Variants in RTL10 observed in about 807,000 individuals in gnomAD.
RTL10 encodes retrotransposon Gag like 10, also known as protein Bop.
For synonymous variants in RTL10, 199 were observed against 188.4 expected, an observed-to-expected ratio of 1.06 and a Z score of -0.46; for missense variants, 477 against 470.7, an observed-to-expected ratio of 1.01 and a Z score of -0.12.
chr22:19,850,064 C>T lies in RTL10; in HGVS notation c.*1103G>A. The T allele has an allele frequency of 1.0e-6, 1 of 985,624 alleles. No homozygotes were observed. The highest frequency in any genetic ancestry group is 1.2e-6 in the Non-Finnish European group (1 of 830,126). 61.1% of individuals were successfully genotyped at this position (985,624 alleles called of 1,614,324 possible). A position where few individuals can be genotyped will look rare whatever the true frequency, so the allele number is the denominator to read the frequency against. ...AGTCAGTTCTCTACCTGCAGAGCCA[C>T]CCACCCCCTACTCAGCCCCACCCAG... On this transcript the variant is annotated 3_prime_UTR_variant, in exon 3 of 3. Transcript: ENST00000328554.
chr22:19,851,758 G>T lies in RTL10; in HGVS notation c.504C>A (p.Tyr168Ter), dbSNP rs148672676. ...LDGDLPLPDD[Y>*]ELFCQDLKEV... is the part of the protein sequence containing the mutation. ...CCTTGAGATCCTGGCAGAAGAGCTC[G>T]TAATCGTCAGGCAGGGGCAGGTCCC... The change falls in exon 3 of 3, where the codon TAC becomes TAA. Residue 168 changes from tyrosine to a stop codon, truncating the protein, a stop_gained. Transcript: ENST00000328554. LOFTEE classifies it low-confidence loss of function (END_TRUNC). 29 of 1,610,618 alleles carry T rather than the reference G, an allele frequency of 1.8e-5. No individual in the cohort carries two copies. The Admixed American group carries it at 4.7e-4, about 26-fold the overall frequency.
chr22:19,850,652 G>A lies in RTL10; in HGVS notation c.*515C>T. Reference sequence around the variant, plus strand: ...AGAATCAAAGTGGCCACTTCCTCCAGGCAGCCTTCCTCACATTCCAGCTGG... The same window carrying A: ...AGAATCAAAGTGGCCACTTCCTCCAAGCAGCCTTCCTCACATTCCAGCTGG... On this transcript the variant is annotated 3_prime_UTR_variant, in exon 3 of 3. Coordinates refer to ENST00000328554, the MANE Select transcript of RTL10 (RefSeq NM_024627.6). The A allele has an allele frequency of 4.9e-6, 6 of 1,227,796 alleles. No individual in the cohort carries two copies. The highest frequency in any genetic ancestry group is 6.1e-6 in the Non-Finnish European group (6 of 986,174). 76.1% of individuals were successfully genotyped at this position (1,227,796 alleles called of 1,614,324 possible).
rs34331843 is a variant in RTL10, at chr22:19,847,804, CAAAAA to C, written c.*3358_*3362del. 608 of 610,626 alleles carry C rather than the reference CAAAAA, an allele frequency of 1.0e-3. 2 individuals carry two copies. The highest frequency in any genetic ancestry group is 4.1e-3 in the African/African-American group (146 of 35,768). The allele number at this position is 610,626 out of a possible 1,614,324, so 37.8% of individuals were successfully genotyped here. ...ACTTTTAAAATCCTGGAATCATAGGCAAAAAAAAAAAAAAAAAAAAATTCACCCAT... is the reference window on the plus strand; with the variant it reads ...ACTTTTAAAATCCTGGAATCATAGGCAAAAAAAAAAAAAAAATTCACCCAT... On this transcript the variant is annotated 3_prime_UTR_variant, in exon 3 of 3. Transcript: ENST00000328554.
At position 19,848,650 on chromosome 22, in the gene RTL10, TGGACTCTCCCAA is replaced by T; in HGVS notation, c.*2505_*2516del. The T allele has an allele frequency of 1.0e-6, 1 of 985,494 alleles. No individual in the cohort carries two copies. The highest frequency in any genetic ancestry group is 1.7e-5 in the African/African-American group (1 of 57,370). 61.0% of individuals were successfully genotyped at this position (985,494 alleles called of 1,614,324 possible). A position where few individuals can be genotyped will look rare whatever the true frequency, so the allele number is the denominator to read the frequency against. On this transcript the variant is annotated 3_prime_UTR_variant, in exon 3 of 3. Transcript: ENST00000328554. The stretch of plus-strand genomic sequence containing the variant: ...CGTTTTAATTAAAAACCAGGTCACC[TGGACTCTCCCAA>T]GGACTCTCAAGCCTGCCTAGGTGGA...
Position 19,850,978 on chromosome 22 carries a change from T to C in RTL10, c.*189A>G, listed in dbSNP as rs996477205. On this transcript the variant is annotated 3_prime_UTR_variant, in exon 3 of 3. Transcript: ENST00000328554. ...GCAGGGAAAGGGCACAGGGCGGAGG[T>C]CAAGCTCTGCTGGAGTTGGGGGAGC... is the stretch of plus-strand genomic sequence containing the variant. 1.0e-5 allele frequency: 14 copies of C among 1,404,152 alleles called. No homozygotes were observed. In the South Asian group the frequency reaches 1.5e-4, roughly 15 times the overall value. 87.0% of individuals were successfully genotyped at this position (1,404,152 alleles called of 1,614,324 possible).
chr22:19,849,644 G>C lies in RTL10; in HGVS notation c.*1523C>G, dbSNP rs531641351. 3.1e-5 allele frequency: 30 copies of C among 976,474 alleles called. No individual in the cohort carries two copies. In the African/African-American group the frequency reaches 4.9e-4, roughly 16 times the overall value. 60.5% of individuals were successfully genotyped at this position (976,474 alleles called of 1,614,324 possible). On this transcript the variant is annotated 3_prime_UTR_variant, in exon 3 of 3. Coordinates refer to ENST00000328554, the MANE Select transcript of RTL10 (RefSeq NM_024627.6). Reference sequence around the variant, plus strand: ...GGCCTCCCAGAGTGCTGGGATTACAGGTGTGAGACACTGCTCCCGGCCAGT... The same window carrying C: ...GGCCTCCCAGAGTGCTGGGATTACACGTGTGAGACACTGCTCCCGGCCAGT...
Position 19,852,331 on chromosome 22 carries a change from T to C in RTL10, c.-70A>G. 2 of 1,502,950 alleles carry C rather than the reference T, an allele frequency of 1.3e-6. No individual in the cohort carries two copies. Among genetic ancestry groups the C allele is most frequent in the East Asian group, 2.3e-5 (1 of 44,036 alleles). 93.1% of individuals were successfully genotyped at this position (1,502,950 alleles called of 1,614,324 possible). ...TGGTGGGGGTGTGGACAGATGTGGC[T>C]TGCACGACACAACAGGACAGGGATG... On this transcript the variant is annotated 5_prime_UTR_variant, in exon 3 of 3. Coordinates refer to ENST00000328554, the MANE Select transcript of RTL10 (RefSeq NM_024627.6).
chr22:19,853,494 G>A (rs1371627227), intron 2 of RTL10, among the ~76,000 whole-genome samples: 6 of 152,102 alleles, frequency 3.9e-5, no homozygotes, highest in Non-Finnish European at 8.8e-5. Flanking sequence ...ACGACCTCCA[G>A]GAAACTCTCT....
chr22:19,846,665 T>A lies in RTL10; in HGVS notation c.*4502A>T. ...AAGACAGGGTCTTTAAAGAGGTAAT[T>A]CAGGGTTAAATGAGGTCATGAGGGT... On this transcript the variant is annotated 3_prime_UTR_variant, in exon 3 of 3. Coordinates refer to ENST00000328554, the MANE Select transcript of RTL10 (RefSeq NM_024627.6). 1 of 687,166 alleles carries A rather than the reference T, an allele frequency of 1.5e-6. No homozygotes were observed. The highest frequency in any genetic ancestry group is 1.9e-5 in the African/African-American group (1 of 51,610). 42.6% of individuals were successfully genotyped at this position (687,166 alleles called of 1,614,324 possible).
Position 19,849,275 on chromosome 22 carries a change from A to C in RTL10, c.*1892T>G. 1.0e-6 allele frequency: 1 copy of C among 983,936 alleles called. No homozygotes were observed. Among genetic ancestry groups the C allele is most frequent in the Non-Finnish European group, 1.2e-6 (1 of 828,574 alleles). The allele number at this position is 983,936 out of a possible 1,614,324, so 61.0% of individuals were successfully genotyped here. Reference sequence around the variant, plus strand: ...ATCTGTGCCCTGAAATAACTCACACATAAAACCATCTGAACCCAGAGCCTT... The same window carrying C: ...ATCTGTGCCCTGAAATAACTCACACCTAAAACCATCTGAACCCAGAGCCTT... On this transcript the variant is annotated 3_prime_UTR_variant, in exon 3 of 3. Coordinates refer to ENST00000328554, the MANE Select transcript of RTL10 (RefSeq NM_024627.6).
In RTL10 at chr22:19,846,427, G is replaced by A. The variant is rs1238847090; in HGVS notation, c.*4740C>T. The stretch of plus-strand genomic sequence containing the variant: ...ACTGCCTACTCAACAGCCAAGGCTT[G>A]GCCATCCCCACTCCTCAGTATGGGC... On this transcript the variant is annotated 3_prime_UTR_variant, in exon 3 of 3. Coordinates refer to ENST00000328554, the MANE Select transcript of RTL10 (RefSeq NM_024627.6). The A allele has an allele frequency of 1.8e-5, 18 of 985,142 alleles. No individual in the cohort carries two copies. The highest frequency in any genetic ancestry group is 3.5e-5 in the African/African-American group (2 of 57,230). The allele number at this position is 985,142 out of a possible 1,614,324, so 61.0% of individuals were successfully genotyped here.
Position 19,852,393 on chromosome 22 carries a change from C to T in RTL10, c.-132G>A. The T allele has an allele frequency of 1.0e-6, 1 of 963,400 alleles. No homozygotes were observed. The highest frequency in any genetic ancestry group is 2.5e-5 in the East Asian group (1 of 40,298). The allele number at this position is 963,400 out of a possible 1,614,324, so 59.7% of individuals were successfully genotyped here. A position where few individuals can be genotyped will look rare whatever the true frequency, so the allele number is the denominator to read the frequency against. ...CGTGGCAGACCCGCACTGGTCCAGG[C>T]AAGTGCTGAGGATCAGGGAGCTGAC... is the stretch of plus-strand genomic sequence containing the variant. On this transcript the variant is annotated 5_prime_UTR_variant, in exon 3 of 3. Transcript: ENST00000328554.
rs901319361 is a variant in RTL10, at chr22:19,848,036, C to T, written c.*3131G>A. On this transcript the variant is annotated 3_prime_UTR_variant, in exon 3 of 3. Coordinates refer to ENST00000328554, the MANE Select transcript of RTL10 (RefSeq NM_024627.6). ...ATATTTATTTGGCCCGTTTCAAAGT[C>T]CTCTATTCTCTGCTCATCTGTCCAC... The T allele has an allele frequency of 8.1e-6, 8 of 985,286 alleles. No homozygotes were observed. In the African/African-American group the frequency reaches 1.2e-4, roughly 15 times the overall value. The allele number at this position is 985,286 out of a possible 1,614,324, so 61.0% of individuals were successfully genotyped here. A position where few individuals can be genotyped will look rare whatever the true frequency, so the allele number is the denominator to read the frequency against.
chr22:19,851,336 G>T lies in RTL10; in HGVS notation c.926C>A (p.Pro309His). ...PVPRLSESANPPAQRPDPAHP... is the reference protein window; with the variant it reads ...PVPRLSESANHPAQRPDPAHP... ...AGCTGGGTCTGGTCTCTGGGCAGGA[G>T]GATTAGCTGACTCCGACAGTCTAGG... Residue 309 changes from proline (P) to histidine (H), a missense_variant, in exon 3 of 3, where the codon CCT becomes CAT. Pro to His is a moderately conservative substitution (Grantham distance 77, BLOSUM62 -2). Transcript: ENST00000328554. 1 of 1,614,154 alleles carries T rather than the reference G, an allele frequency of 6.2e-7. No homozygotes were observed. The highest frequency in any genetic ancestry group is 8.5e-7 in the Non-Finnish European group (1 of 1,180,012).
rs1314271401 is a variant in RTL10 at position 19,851,547 on chromosome 22, C to A, written c.715G>T (p.Ala239Ser). Residue 239 changes from alanine to serine, a missense_variant, in exon 3 of 3, where the codon GCC becomes TCC. Transcript: ENST00000328554. Reference protein sequence around the residue: ...TAPRSLPAAMATPAVSGSNSV... With the variant: ...TAPRSLPAAMSTPAVSGSNSV... ...TTGGACCCAGACACAGCAGGGGTGG[C>A]CATGGCGGCTGGTAAAGACCTGGGG... 3 of 1,613,166 alleles carry A rather than the reference C, an allele frequency of 1.9e-6. No individual in the cohort carries two copies. The Admixed American group carries it at 5.0e-5, about 27-fold the overall frequency.
chr22:19,850,212 T>C lies in RTL10; in HGVS notation c.*955A>G. On this transcript the variant is annotated 3_prime_UTR_variant, in exon 3 of 3. Transcript: ENST00000328554. ...AGAATGGGAAACAAAGACTTGCTGG[T>C]AGGCAGCCACTGCACCACCTCAGCC... 6.1e-6 allele frequency: 6 copies of C among 985,728 alleles called. No homozygotes were observed. Among genetic ancestry groups the C allele is most frequent in the Non-Finnish European group, 7.2e-6 (6 of 830,174 alleles). The allele number at this position is 985,728 out of a possible 1,614,324, so 61.1% of individuals were successfully genotyped here. A position where few individuals can be genotyped will look rare whatever the true frequency, so the allele number is the denominator to read the frequency against.
In RTL10 at chr22:19,851,452, G is replaced by C. The variant is rs762201539; in HGVS notation, c.810C>G (p.Pro270=). 1.2e-6 allele frequency: 2 copies of C among 1,614,110 alleles called. No individual in the cohort carries two copies. The highest frequency in any genetic ancestry group is 1.3e-5 in the African/African-American group (1 of 75,008). ...TACATGTAGAACTGGGCAGGACTGGGGGCTCCTTGGGCCCAGGGGTGCTCT... is the reference window on the plus strand; with the variant it reads ...TACATGTAGAACTGGGCAGGACTGGCGGCTCCTTGGGCCCAGGGGTGCTCT... ...TKESTPGPKE[P]PVLPSSTCSS... Residue 270 remains proline, a synonymous_variant, in exon 3 of 3, where the codon CCC becomes CCG. Coordinates refer to ENST00000328554, the MANE Select transcript of RTL10 (RefSeq NM_024627.6).
chr22:19,852,707 G>A (rs1369700954), intron 2 of RTL10, among the ~76,000 whole-genome samples: 1 of 152,160 alleles, frequency 6.6e-6, no homozygotes, highest in Non-Finnish European at 1.5e-5. Context: ...AATTTCAGAA[G>A]AAAAGGGGCC....
At position 19,850,745 on chromosome 22, in the gene RTL10, G is replaced by C; in HGVS notation, c.*422C>G. On this transcript the variant is annotated 3_prime_UTR_variant, in exon 3 of 3. Coordinates refer to ENST00000328554, the MANE Select transcript of RTL10 (RefSeq NM_024627.6). ...AGACACAGAAACCCCATACAGGAAC[G>C]AGGTCCCAACAGGGCAGACGTGGCA... is the stretch of plus-strand genomic sequence containing the variant. The C allele has an allele frequency of 3.2e-6, 4 of 1,240,816 alleles. No individual in the cohort carries two copies. Among genetic ancestry groups the C allele is most frequent in the Non-Finnish European group, 4.0e-6 (4 of 994,052 alleles). The allele number at this position is 1,240,816 out of a possible 1,614,324, so 76.9% of individuals were successfully genotyped here.
Sources: gnomAD v4.1 joint callset for allele counts (sites outside exome capture counted in the v4.1 genomes callset) on GRCh38, gnomAD v4.1.1 for gene constraint, MANE v1.5 for transcripts, NCBI Gene and HGNC (gene_info 2026-07-23, HGNC 2026-07-21) for gene names.